TTC27: variants seen among roughly 807,000 people sequenced by gnomAD.
TTC27 encodes the protein tetratricopeptide repeat protein 27.
In TTC27, 79 loss-of-function variants were observed where a neutral mutation model predicts 115.9. That is an observed-to-expected ratio of 0.68 (90% CI 0.57 to 0.82). TTC27 has a LOEUF of 0.82. Ranked by LOEUF, TTC27 falls within the 40% of genes least tolerant of loss-of-function variation. The pLI is 0.00. For missense variants in TTC27, 1,054 were observed against 993.1 expected (o/e 1.06, Z -0.82); for synonymous variants, 401 against 356.0 (o/e 1.13, Z -1.42).
At chr2:32,660,232 A>G (rs1028436461) in intron 5 of TTC27, among the ~76,000 whole-genome samples, 2 of 152,112 alleles carry the variant, frequency 1.3e-5, no homozygotes, top group Non-Finnish European at 2.9e-5. Flanking sequence ...ATGGTATCTC[A>G]TTGTGGTTTG....
At chr2:32,754,435 A>G (rs1164847667) in intron 12 of TTC27, among the ~76,000 whole-genome samples, 1 of 149,656 alleles carries the variant, frequency 6.7e-6, no homozygotes, top group East Asian at 1.9e-4. Context: ...GACACAGCAC[A>G]TGTTTCAGAG....
Position 32,630,540 on chromosome 2 carries a change from C to T in TTC27, c.106C>T (p.Gln36Ter). The T allele has an allele frequency of 1.9e-6, 3 of 1,606,706 alleles. No individual in the cohort carries two copies. Among genetic ancestry groups the T allele is most frequent in the East Asian group, 2.2e-5 (1 of 44,818 alleles). ...VVGSESGSFLQLLLEGNYEAI... is the reference protein window; with the variant it reads ...VVGSESGSFL ...TATTACAGAGAGTGGATCTTTCCTA[C>T]AATTGCTACTGGAAGGGAACTATGA... The change falls in exon 2 of 20, where the codon CAA (glutamine) becomes TAA (stop). Residue 36 changes from glutamine (Q) to a stop codon, truncating the protein, a stop_gained. Coordinates refer to ENST00000317907, the MANE Select transcript of TTC27 (RefSeq NM_017735.5). LOFTEE classifies it high-confidence loss of function.
At chr2:32,772,782 C>A (rs1203272167) in intron 13 of TTC27, among the ~76,000 whole-genome samples, 2 of 152,120 alleles carry the variant, frequency 1.3e-5, no homozygotes, top group Non-Finnish European at 2.9e-5. Flanking sequence ...ATTCTATTGT[C>A]AATGTCCTTA....
chr2:32,662,834 G>T (rs1291903586), intron 5 of TTC27, among the ~76,000 whole-genome samples: 3 of 151,858 alleles, frequency 2.0e-5, no homozygotes, highest in African/African-American at 7.3e-5. Context: ...GAATTTGTTT[G>T]CTCTTGCTTC....
At chr2:32,670,088 G>T (rs554219382) in intron 7 of TTC27, among the ~76,000 whole-genome samples, 1 of 151,772 alleles carries the variant, frequency 6.6e-6, no homozygotes, top group African/African-American at 2.4e-5. Flanking sequence ...ATGCTGGCCA[G>T]GCTGGTCTCG....
chr2:32,729,437 A>G (rs1240583648), intron 10 of TTC27, among the ~76,000 whole-genome samples: 2 of 152,124 alleles, frequency 1.3e-5, no homozygotes, highest in African/African-American at 4.8e-5. Flanking sequence ...TTCCATAGAG[A>G]TATCCCTTGA....
In TTC27 at chr2:32,708,465, C is replaced by A. The variant is rs144223334; in HGVS notation, c.1233+5545C>A. Among the ~76,000 whole-genome samples, 598 of 151,558 alleles carry A rather than the reference C, an allele frequency of 3.9e-3. 8 individuals carry two copies. Among genetic ancestry groups the A allele is most frequent in the African/African-American group, 0.014 (565 of 41,284 alleles). The stretch of plus-strand genomic sequence containing the variant: ...TAGCTGGGACTACAGGCGTGTGCCA[C>A]CACAACCAGCTAATTTTTGTATTTT... On this transcript the variant is annotated intron_variant, in intron 10 of 19. Transcript: ENST00000317907.
chr2:32,736,775 G>C lies in TTC27; in HGVS notation c.1411G>C (p.Asp471His), dbSNP rs763190839. The C allele has an allele frequency of 3.1e-6, 5 of 1,613,912 alleles. No individual in the cohort carries two copies. The highest frequency in any genetic ancestry group is 3.3e-5 in the Admixed American group (2 of 59,978). Residue 471 changes from aspartate (D) to histidine (H), a missense_variant, in exon 12 of 20, where the codon GAT becomes CAT. By Grantham distance (81) the Asp-to-His change is moderately conservative. Transcript: ENST00000317907. ...QIFEKLEMWEDVVICYERAGQ... is the reference protein window; with the variant it reads ...QIFEKLEMWEHVVICYERAGQ... ...ATTTGAAAAGCTAGAAATGTGGGAA[G>C]ATGTTGTCATTTGTTATGAAAGAGC... is the stretch of plus-strand genomic sequence containing the variant.
chr2:32,802,939 C>T (rs1408748885), intron 16 of TTC27, among the ~76,000 whole-genome samples: 1 of 152,192 alleles, frequency 6.6e-6, no homozygotes. Flanking sequence ...TTTATTTTAT[C>T]ATGGTTGTAC....
intron 9 of TTC27, among the ~76,000 whole-genome samples, chr2:32,699,283 G>C (rs560971384): frequency 6.6e-6 from 1 of 152,304 alleles, no homozygotes; most frequent in East Asian, 1.9e-4. Flanking sequence ...GTGGCATTAA[G>C]GCCAAGACCT....
chr2:32,653,720 T>C (rs760883717), intron 5 of TTC27, among the ~76,000 whole-genome samples: 26 of 152,234 alleles, frequency 1.7e-4, no homozygotes, highest in Non-Finnish European at 3.7e-4. Flanking sequence ...TCATTGTCTG[T>C]AATTATAATT....
At chr2:32,635,040 T>C (rs1484523615) in intron 3 of TTC27, among the ~76,000 whole-genome samples, 1 of 152,100 alleles carries the variant, frequency 6.6e-6, no homozygotes, top group African/African-American at 2.4e-5. Context: ...ACAAATACTT[T>C]ATTAAAGTTT....
chr2:32,754,566 C>T (rs2147988471), intron 12 of TTC27, among the ~76,000 whole-genome samples: 1 of 149,306 alleles, frequency 6.7e-6, no homozygotes. Flanking sequence ...ACACAGCAAC[C>T]ATCCGATTTC....
At chr2:32,700,853 G>A (rs2151900024) in intron 9 of TTC27, among the ~76,000 whole-genome samples, 1 of 152,236 alleles carries the variant, frequency 6.6e-6, no homozygotes, top group African/African-American at 2.4e-5. Context: ...AAAGTCTTGA[G>A]ATCACATTTT....
In TTC27 at chr2:32,655,835, A is replaced by T. The variant is rs1392256444; in HGVS notation, c.640+5602A>T. Among the ~76,000 whole-genome samples, 12 of 152,082 alleles carry T rather than the reference A, an allele frequency of 7.9e-5. No individual in the cohort carries two copies. The East Asian group carries it at 9.7e-4, about 12-fold the overall frequency. ...GTCACTTTCATGCAGTATTTCTGCT[A>T]ACTAGAGCTGTACTATTCAATATGG... On this transcript the variant is annotated intron_variant, in intron 5 of 19. Coordinates refer to ENST00000317907, the MANE Select transcript of TTC27 (RefSeq NM_017735.5).
intron 9 of TTC27, among the ~76,000 whole-genome samples, chr2:32,700,939 T>A (rs1402959903): frequency 6.6e-6 from 1 of 152,240 alleles, no homozygotes; most frequent in Non-Finnish European, 1.5e-5. Flanking sequence ...CATATTTTTA[T>A]AGGTCCATAT....
chr2:32,683,264 C>T (rs962047686), intron 9 of TTC27, among the ~76,000 whole-genome samples: 3 of 152,102 alleles, frequency 2.0e-5, no homozygotes, highest in Non-Finnish European at 4.4e-5. Context: ...GCTGGATTTA[C>T]AGGGGTGAGC....
At chr2:32,730,174 T>C (rs1668245579) in intron 10 of TTC27, among the ~76,000 whole-genome samples, 1 of 152,228 alleles carries the variant, frequency 6.6e-6, no homozygotes, top group Admixed American at 6.5e-5. Context: ...TTCTAATGAA[T>C]GTACCTAATA....
At chr2:32,719,210 A>AT (rs1667845390) in intron 10 of TTC27, among the ~76,000 whole-genome samples, 1 of 152,210 alleles carries the variant, frequency 6.6e-6, no homozygotes, top group Admixed American at 6.5e-5. Context: ...GAAGCTGTGC[A>AT]TAGAGCAGTG....
Sources: gnomAD v4.1 joint callset for allele counts (sites outside exome capture counted in the v4.1 genomes callset) on GRCh38, gnomAD v4.1.1 for gene constraint, MANE v1.5 for transcripts, NCBI Gene and HGNC (gene_info 2026-07-23, HGNC 2026-07-21) for gene names.